VSTM2L: variants seen among roughly 807,000 people sequenced by gnomAD.
The protein encoded by VSTM2L is V-set and transmembrane domain-containing protein 2-like protein.
Under a neutral mutation model 19.9 loss-of-function variants are expected in VSTM2L, and 9 were observed. That is an observed-to-expected ratio of 0.45 (90% CI 0.27 to 0.79). The LOEUF (loss-of-function observed/expected upper bound fraction) is 0.79. Ranked by LOEUF, VSTM2L falls within the 30% of genes least tolerant of loss-of-function variation. The probability of loss-of-function intolerance (pLI) is 0.15; values close to 1 mark genes in which losing one functional copy is unlikely to be tolerated. For synonymous variants in VSTM2L, 127 were observed against 133.8 expected (o/e 0.95, Z 0.35); for missense variants, 286 against 295.5 (o/e 0.97, Z 0.24).
chr20:37,923,732 A>G (rs2122958315), intron 1 of VSTM2L, among the ~76,000 whole-genome samples: 1 of 152,252 alleles, frequency 6.6e-6, no homozygotes, highest in South Asian at 2.1e-4. Flanking sequence ...GGGTCTGGGT[A>G]GCTGGAGGGA....
At chr20:37,921,771 G>A (rs944101407) in intron 1 of VSTM2L, among the ~76,000 whole-genome samples, 1 of 151,694 alleles carries the variant, frequency 6.6e-6, no homozygotes, top group African/African-American at 2.4e-5. Context: ...GAAGATGCGG[G>A]GAGGGATATT....
chr20:37,914,394 G>GTA lies in VSTM2L; in HGVS notation c.121+10924_121+10925insAT, dbSNP rs1253476297. On this transcript the variant is annotated intron_variant, in intron 1 of 3. Transcript: ENST00000373461. ...TGTGTGTGGGTGTATGTGTGGGTGT[G>GTA]TGTATGTATGTGTGGGTATGTCTGT... Among the ~76,000 whole-genome samples, 116 of 150,596 alleles carry GTA rather than the reference G, an allele frequency of 7.7e-4. 1 individual carries two copies. The highest frequency in any genetic ancestry group is 2.5e-3 in the African/African-American group (101 of 41,004).
intron 1 of VSTM2L, among the ~76,000 whole-genome samples, chr20:37,914,389 G>C (rs367575513): frequency 0.23 from 824 of 3,624 alleles, 11 homozygotes; most frequent in South Asian, 0.27. Context: ...TGTATGTGTG[G>C]GTGTGTGTAT....
intron 1 of VSTM2L, among the ~76,000 whole-genome samples, chr20:37,916,564 G>A (rs1350239802): frequency 1.3e-5 from 2 of 152,222 alleles, no homozygotes; most frequent in African/African-American, 2.4e-5. Flanking sequence ...CCAGCTTGCC[G>A]GCTCCAGCAC....
intron 1 of VSTM2L, among the ~76,000 whole-genome samples, chr20:37,927,434 T>C (rs2072884825): frequency 6.6e-6 from 1 of 152,194 alleles, no homozygotes; most frequent in Non-Finnish European, 1.5e-5. Context: ...TGCATTCTGT[T>C]TCTGTTGGAC....
intron 1 of VSTM2L, among the ~76,000 whole-genome samples, chr20:37,922,683 G>A (rs1268776373): frequency 1.3e-5 from 2 of 152,210 alleles, no homozygotes; most frequent in Admixed American, 1.3e-4. Context: ...TGGAAGGGCA[G>A]GGAGGGCTGT....
intron 1 of VSTM2L, among the ~76,000 whole-genome samples, chr20:37,919,805 G>A (rs143204888): frequency 1.8e-4 from 28 of 152,158 alleles, no homozygotes; most frequent in African/African-American, 6.3e-4. Context: ...CAGCCAGCTT[G>A]AAGTCAGGCT....
chr20:37,921,302 G>C (rs1412897553), intron 1 of VSTM2L, among the ~76,000 whole-genome samples: 1 of 152,172 alleles, frequency 6.6e-6, no homozygotes, highest in Non-Finnish European at 1.5e-5. Flanking sequence ...GCTGCAGTTG[G>C]GGTCTGGGCA....
Position 37,944,601 on chromosome 20 carries a change from C to G in VSTM2L, c.*348C>G. On this transcript the variant is annotated 3_prime_UTR_variant, in exon 4 of 4. Transcript: ENST00000373461. ...GTGTTTTGCTTTGCTTGCTTGTCCC[C>G]CATCCTGTCCTGAGCCGGGGCCCCC... 6 of 1,074,498 alleles carry G rather than the reference C, an allele frequency of 5.6e-6. No homozygotes were observed. The highest frequency in any genetic ancestry group is 6.8e-6 in the Non-Finnish European group (6 of 888,358). 66.6% of individuals were successfully genotyped at this position (1,074,498 alleles called of 1,614,324 possible). A position where few individuals can be genotyped will look rare whatever the true frequency, so the allele number is the denominator to read the frequency against.
At chr20:37,932,006 A>G (rs551551734) in intron 2 of VSTM2L, among the ~76,000 whole-genome samples, 1 of 152,156 alleles carries the variant, frequency 6.6e-6, no homozygotes, top group Non-Finnish European at 1.5e-5. Context: ...AACGGGCAGG[A>G]GGCAGAGCTA....
At chr20:37,926,262 A>T (rs566697242) in intron 1 of VSTM2L, among the ~76,000 whole-genome samples, 1 of 152,176 alleles carries the variant, frequency 6.6e-6, no homozygotes. Flanking sequence ...AGGTTTCACC[A>T]TGTTGGTCAG....
chr20:37,933,479 A>T, intron 2 of VSTM2L, 60 bp from the exon 3 acceptor site: 2 of 814,944 alleles, frequency 2.5e-6, no homozygotes, highest in Non-Finnish European at 3.6e-6. Flanking sequence ...CTGCCACCCC[A>T]CCCCCACCCT....
intron 1 of VSTM2L, among the ~76,000 whole-genome samples, chr20:37,906,158 C>T (rs932153896): frequency 1.3e-5 from 2 of 152,018 alleles, no homozygotes; most frequent in Non-Finnish European, 2.9e-5. Flanking sequence ...GCCCGGCCGC[C>T]GGGCTCCTGC....
intron 1 of VSTM2L, among the ~76,000 whole-genome samples, chr20:37,924,709 T>C (rs2072870671): frequency 1.3e-5 from 2 of 151,850 alleles, no homozygotes; most frequent in African/African-American, 2.4e-5. Context: ...AAAATACACA[T>C]CAATCTGTGT....
intron 3 of VSTM2L, among the ~76,000 whole-genome samples, chr20:37,936,744 C>T (rs1049645003): frequency 6.6e-6 from 1 of 152,152 alleles, no homozygotes; most frequent in Non-Finnish European, 1.5e-5. Context: ...CTCCTCGACT[C>T]TCCCTTTTCC....
chr20:37,933,064 C>T (rs975239623), intron 2 of VSTM2L, among the ~76,000 whole-genome samples: 3 of 152,190 alleles, frequency 2.0e-5, no homozygotes, highest in Non-Finnish European at 2.9e-5. Flanking sequence ...CAGGTATCTG[C>T]GGTTGGAAGC....
At chr20:37,913,898 G>A (rs943825583) in intron 1 of VSTM2L, among the ~76,000 whole-genome samples, 3 of 152,222 alleles carry the variant, frequency 2.0e-5, no homozygotes, top group South Asian at 2.1e-4. Flanking sequence ...GAGGGCGCAC[G>A]GCCAGGTTGG....
intron 1 of VSTM2L, among the ~76,000 whole-genome samples, chr20:37,916,091 C>T (rs559677441): frequency 2.0e-5 from 3 of 152,350 alleles, no homozygotes; most frequent in African/African-American, 7.2e-5. Context: ...TTAGCCCCTC[C>T]CGGCAGCAGA....
intron 1 of VSTM2L, among the ~76,000 whole-genome samples, chr20:37,909,088 C>T (rs1024021978): frequency 7.2e-5 from 11 of 152,132 alleles, no homozygotes; most frequent in Non-Finnish European, 1.3e-4. Flanking sequence ...GAGGAAGAGG[C>T]CCACGTCACA....
Sources: gnomAD v4.1 joint callset for allele counts (sites outside exome capture counted in the v4.1 genomes callset) on GRCh38, gnomAD v4.1.1 for gene constraint, MANE v1.5 for transcripts, NCBI Gene and HGNC (gene_info 2026-07-23, HGNC 2026-07-21) for gene names.